HHIPL1: variants seen among roughly 807,000 people sequenced by gnomAD.
The protein encoded by HHIPL1 is HHIP-like protein 1.
HHIPL1 carries 43 observed loss-of-function variants against 61.8 expected under a neutral mutation model. The observed-to-expected ratio is 0.70, with a 90% CI of 0.55 to 0.90. HHIPL1 has a LOEUF of 0.90. Ranked by LOEUF, HHIPL1 falls within the 40% of genes least tolerant of loss-of-function variation. The pLI is 0.00. For synonymous variants in HHIPL1, 482 were observed against 515.8 expected (o/e 0.93, Z 0.89); for missense variants, 1,056 against 1,157.7 (o/e 0.91, Z 1.28).
intron 8 of HHIPL1, among the ~76,000 whole-genome samples, chr14:99,673,853 G>A (rs1242574028): frequency 9.9e-6 from 1 of 100,604 alleles, no homozygotes; most frequent in Non-Finnish European, 2.0e-5. Flanking sequence ...CAGAGTTGGG[G>A]GATGCACCCA....
chr14:99,654,845 A>G (rs2056001946), intron 2 of HHIPL1, among the ~76,000 whole-genome samples: 1 of 152,214 alleles, frequency 6.6e-6, no homozygotes. Flanking sequence ...AGTTTATCAC[A>G]TGGATCTGAC....
Position 99,671,351 on chromosome 14 carries a change from G to C in HHIPL1, c.1731-966G>C, listed in dbSNP as rs11621290. ...CCACTGGGTCTGTCTGAAGTGTGTG[G>C]ATGTTCTCTGGAGGTCAGAGCAAGA... On this transcript the variant is annotated intron_variant, in intron 7 of 8. Transcript: ENST00000330710. Among the ~76,000 whole-genome samples the C allele has an allele frequency of 4.4e-3, 668 of 152,326 alleles. 3 individuals are homozygous for C. Among genetic ancestry groups the C allele is most frequent in the Non-Finnish European group, 6.2e-3 (422 of 68,028 alleles).
the HHIPL1 span, among the ~76,000 whole-genome samples, chr14:99,626,171 G>A: frequency 3.9e-5 from 6 of 152,298 alleles, no homozygotes; most frequent in South Asian, 1.0e-3. Context: ...TGCTGTGGCT[G>A]TGACATTCCT....
chr14:99,632,445 T>C, the HHIPL1 span, among the ~76,000 whole-genome samples: 2 of 152,162 alleles, frequency 1.3e-5, no homozygotes, highest in Admixed American at 1.3e-4. Flanking sequence ...GCAGGGCTGC[T>C]TCCTCCTCTC....
chr14:99,647,433 C>T (rs1033051312), intron 1 of HHIPL1, among the ~76,000 whole-genome samples: 7 of 152,218 alleles, frequency 4.6e-5, no homozygotes, highest in South Asian at 2.1e-4. Flanking sequence ...AGGCTCAGCA[C>T]GGCAGTGAGG....
At position 99,668,164 on chromosome 14, in the gene HHIPL1, G is replaced by A; in HGVS notation, c.1649-58G>A. 9.5e-7 allele frequency: 1 copy of A among 1,058,048 alleles called. No homozygotes were observed. The highest frequency in any genetic ancestry group is 1.5e-6 in the Non-Finnish European group (1 of 673,790). The allele number at this position is 1,058,048 out of a possible 1,614,324, so 65.5% of individuals were successfully genotyped here. On this transcript the variant is annotated intron_variant, in intron 6 of 8. Transcript: ENST00000330710. The surrounding 1 kb of genome is among the most constrained non-coding windows in gnomAD (Gnocchi z 4.7). ...GCAGGGAGCCGGGTGGTGAGGCGGG[G>A]CTGGCTGGGACGGTATTCCAGGTGG...
chr14:99,631,052 CTTTCT>C, the HHIPL1 span, among the ~76,000 whole-genome samples: 985 of 63,772 alleles, frequency 0.015, 3 homozygotes, highest in African/African-American at 0.037. Flanking sequence ...GCTCCATTTT[CTTTCT>C]TTCTTTCTTT....
intron 7 of HHIPL1, chr14:99,669,212 G>A (rs777883255): frequency 8.2e-7 from 1 of 1,220,386 alleles, no homozygotes; most frequent in South Asian, 2.9e-5. Flanking sequence ...CCGCCCAGGT[G>A]CTGGGAATGG....
chr14:99,657,780 A>G (rs1051106956), intron 3 of HHIPL1, among the ~76,000 whole-genome samples: 2 of 151,716 alleles, frequency 1.3e-5, no homozygotes, highest in Non-Finnish European at 2.9e-5. Context: ...TATGCTACAT[A>G]TACACAGCAC....
chr14:99,662,423 G>A (rs1484922898), intron 5 of HHIPL1, among the ~76,000 whole-genome samples: 1 of 152,222 alleles, frequency 6.6e-6, no homozygotes, highest in African/African-American at 2.4e-5. Flanking sequence ...GCTCTTGAAA[G>A]CGCTGTGCCC....
intron 3 of HHIPL1, among the ~76,000 whole-genome samples, chr14:99,659,216 A>G (rs979076371): frequency 3.3e-5 from 5 of 152,244 alleles, no homozygotes; most frequent in African/African-American, 2.4e-5. Context: ...CCTGGCGCAC[A>G]GGAAGGTGGG....
chr14:99,670,452 A>G (rs967684022), intron 7 of HHIPL1, among the ~76,000 whole-genome samples: 1 of 152,008 alleles, frequency 6.6e-6, no homozygotes, highest in Admixed American at 6.6e-5. Context: ...TTGTTCCCCA[A>G]TGCCCTTTTC....
intron 1 of HHIPL1, 63 bp from the exon 2 acceptor site, chr14:99,652,160 CA>C (rs2055941396): frequency 6.7e-7 from 1 of 1,483,926 alleles, no homozygotes; most frequent in Non-Finnish European, 9.0e-7. Context: ...GGGACCCGCC[CA>C]AGGTAACCTT....
intron 8 of HHIPL1, among the ~76,000 whole-genome samples, chr14:99,673,270 C>T (rs574645055): frequency 6.6e-6 from 1 of 151,810 alleles, no homozygotes; most frequent in African/African-American, 2.4e-5. Context: ...TGAGTTCTGG[C>T]CACAGTTGGT....
chr14:99,629,736 C>T, the HHIPL1 span, among the ~76,000 whole-genome samples: 13 of 152,198 alleles, frequency 8.5e-5, no homozygotes, highest in Non-Finnish European at 1.6e-4. Flanking sequence ...CTCTTGACCT[C>T]AGGTGATCTG....
At chr14:99,631,874 A>G in the HHIPL1 span, among the ~76,000 whole-genome samples, 2 of 152,206 alleles carry the variant, frequency 1.3e-5, no homozygotes, top group Non-Finnish European at 2.9e-5. Flanking sequence ...TACTGGCCAA[A>G]GTGCCCTGGA....
chr14:99,612,399 C>T, the HHIPL1 span, among the ~76,000 whole-genome samples: 2 of 152,162 alleles, frequency 1.3e-5, no homozygotes, highest in African/African-American at 4.8e-5. Flanking sequence ...AAATTTCATA[C>T]TGGAGGTGCC....
At chr14:99,627,366 A>ATCCATCCGTCCG in the HHIPL1 span, among the ~76,000 whole-genome samples, 1 of 151,630 alleles carries the variant, frequency 6.6e-6, no homozygotes, top group African/African-American at 2.4e-5. This position sits in a 1 kb window ranked among gnomAD's most constrained non-coding sequence, Gnocchi z 4.4. Flanking sequence ...CCATCCATCC[A>ATCCATCCGTCCG]TCCGTCCATC....
At chr14:99,607,194 ATTTTC>A in the HHIPL1 span, among the ~76,000 whole-genome samples, 3 of 150,390 alleles carry the variant, frequency 2.0e-5, no homozygotes, top group African/African-American at 2.5e-5. Flanking sequence ...ATGCCTGGCT[ATTTTC>A]TTTTCTTTTC....
Sources: gnomAD v4.1 joint callset for allele counts (sites outside exome capture counted in the v4.1 genomes callset) on GRCh38, gnomAD v4.1.1 for gene constraint, Gnocchi (gnomAD v3.1) non-coding constraint, MANE v1.5 for transcripts, NCBI Gene and HGNC (gene_info 2026-07-23, HGNC 2026-07-21) for gene names.